NBEA: variants seen among roughly 807,000 people sequenced by gnomAD.
NBEA encodes neurobeachin.
Under a neutral mutation model 343.4 loss-of-function variants are expected in NBEA, and 44 were observed. The observed-to-expected ratio is 0.13, with a 90% CI of 0.10 to 0.16. The LOEUF (loss-of-function observed/expected upper bound fraction) is 0.16. NBEA is among the 10% of genes least tolerant of loss of function. NBEA has a pLI of 1.00. For missense variants in NBEA, 2,555 were observed against 3,631.3 expected (o/e 0.70, Z 7.62); for synonymous variants, 1,175 against 1,238.7 (o/e 0.95, Z 1.08).
intron 38 of NBEA, among the ~76,000 whole-genome samples, chr13:35,426,507 A>C (rs1220620070): frequency 6.6e-6 from 1 of 152,228 alleles, no homozygotes; most frequent in African/African-American, 2.4e-5. Flanking sequence ...GTTTCTGCCA[A>C]GAGATCAGCT....
At chr13:35,287,767 G>A (rs192745206) in intron 34 of NBEA, among the ~76,000 whole-genome samples, 1 of 152,030 alleles carries the variant, frequency 6.6e-6, no homozygotes, top group African/African-American at 2.4e-5. Flanking sequence ...AACAGAATGG[G>A]CTTTGAGTTA....
At chr13:35,609,767 A>G (rs1289884517) in intron 48 of NBEA, among the ~76,000 whole-genome samples, 1 of 152,204 alleles carries the variant, frequency 6.6e-6, no homozygotes, top group Admixed American at 6.5e-5. Context: ...AACAGGAGTA[A>G]CTAAGTATTT....
intron 34 of NBEA, among the ~76,000 whole-genome samples, chr13:35,254,754 A>G (rs976099006): frequency 1.3e-5 from 2 of 152,138 alleles, no homozygotes; most frequent in African/African-American, 4.8e-5. Flanking sequence ...TTTTAGTTCA[A>G]ATTCCGTTAT....
chr13:35,289,300 A>G (rs2035642015), intron 34 of NBEA, among the ~76,000 whole-genome samples: 1 of 151,928 alleles, frequency 6.6e-6, no homozygotes. Context: ...TAGTATTTCT[A>G]AAAACTATGA....
chr13:35,293,732 T>C (rs1191837831), intron 35 of NBEA, among the ~76,000 whole-genome samples: 1 of 152,036 alleles, frequency 6.6e-6, no homozygotes, highest in Non-Finnish European at 1.5e-5. Flanking sequence ...CTTCTTTAGG[T>C]GCTATAATAG....
intron 38 of NBEA, among the ~76,000 whole-genome samples, chr13:35,376,034 C>G (rs2041720367): frequency 1.3e-5 from 2 of 151,972 alleles, no homozygotes; most frequent in Admixed American, 1.3e-4. Context: ...CAAAAGACTT[C>G]ATTTTATATA....
intron 50 of NBEA, 76 bp downstream of exon 50, chr13:35,646,007 C>A: frequency 1.1e-6 from 1 of 939,094 alleles, no homozygotes; most frequent in Admixed American, 2.8e-5. Flanking sequence ...GTTAGATTTT[C>A]CACATTTAAC....
chr13:35,596,809 A>AT (rs1398802312), intron 47 of NBEA, among the ~76,000 whole-genome samples: 3 of 152,072 alleles, frequency 2.0e-5, no homozygotes, highest in Non-Finnish European at 4.4e-5. Context: ...CATAGTGTAA[A>AT]TTAATACAGT....
intron 11 of NBEA, 26 bp from the exon 12 acceptor site, chr13:35,109,264 G>T: frequency 6.5e-7 from 1 of 1,544,422 alleles, no homozygotes; most frequent in Non-Finnish European, 8.7e-7. Context: ...GATGTTTCAA[G>T]CTAGAATTTC....
intron 56 of NBEA, among the ~76,000 whole-genome samples, chr13:35,665,994 T>C (rs1436664910): frequency 6.6e-6 from 1 of 152,060 alleles, no homozygotes; most frequent in African/African-American, 2.4e-5. Context: ...TAGTTCTGGC[T>C]CAAATAGCAG....
rs754479937 is a variant in NBEA at position 35,606,541 on chromosome 13, CA to C, written c.7419del (p.Lys2473AsnfsTer13). 2.5e-6 allele frequency: 4 copies of C among 1,606,078 alleles called. No homozygotes were observed. The highest frequency in any genetic ancestry group is 2.2e-5 in the East Asian group (1 of 44,646). On this transcript the variant is annotated frameshift_variant, in exon 48 of 59. Transcript: ENST00000379939. LOFTEE classifies it high-confidence loss of function. ...VVNDVDLPPW[A>X]KKPEDFVRIN... ...AATGATGTTGATCTTCCCCCTTGGG[CA>C]AAAAAACCTGAAGACTTTGTGCGGA... is the stretch of plus-strand genomic sequence containing the variant.
intron 38 of NBEA, among the ~76,000 whole-genome samples, chr13:35,416,061 T>C (rs1358346459): frequency 6.6e-6 from 1 of 152,204 alleles, no homozygotes; most frequent in East Asian, 1.9e-4. Context: ...ATAGGAATGC[T>C]TGTGATTTTT....
intron 39 of NBEA, among the ~76,000 whole-genome samples, chr13:35,447,611 A>G (rs996390115): frequency 1.3e-5 from 2 of 152,150 alleles, no homozygotes; most frequent in African/African-American, 4.8e-5. Flanking sequence ...GCTATAATTC[A>G]GTGGCATTTT....
chr13:35,460,947 CACATGT>C (rs1453777568), intron 40 of NBEA, among the ~76,000 whole-genome samples: 3 of 152,228 alleles, frequency 2.0e-5, no homozygotes, highest in Non-Finnish European at 4.4e-5. Context: ...TACCCGGCAT[CACATGT>C]GAGGGGCTGA....
chr13:35,220,949 A>G (rs1411382946), intron 33 of NBEA, among the ~76,000 whole-genome samples: 1 of 152,060 alleles, frequency 6.6e-6, no homozygotes, highest in African/African-American at 2.4e-5. Context: ...CTTTTAACCT[A>G]TAGTCTACTT....
intron 34 of NBEA, among the ~76,000 whole-genome samples, chr13:35,283,022 A>T (rs1482818602): frequency 2.0e-5 from 3 of 152,132 alleles, no homozygotes; most frequent in Non-Finnish European, 4.4e-5. Flanking sequence ...TGTTAATAAT[A>T]TTGCTGATAA....
chr13:35,080,832 A>T (rs1365564196), intron 10 of NBEA, among the ~76,000 whole-genome samples: 1 of 152,166 alleles, frequency 6.6e-6, no homozygotes, highest in East Asian at 1.9e-4. Context: ...AAATTTATTT[A>T]CTGCCAAATA....
chr13:35,253,807 C>A (rs955134646), intron 34 of NBEA, among the ~76,000 whole-genome samples: 42 of 151,678 alleles, frequency 2.8e-4, no homozygotes, highest in African/African-American at 8.5e-4. Context: ...TACCCTTGAT[C>A]TATACTTCTA....
intron 49 of NBEA, among the ~76,000 whole-genome samples, chr13:35,634,070 C>A (rs1399267756): frequency 1.3e-5 from 2 of 152,140 alleles, no homozygotes; most frequent in Non-Finnish European, 2.9e-5. Flanking sequence ...TTAGGCCAGG[C>A]GCTGTGGCTC....
Sources: gnomAD v4.1 joint callset for allele counts (sites outside exome capture counted in the v4.1 genomes callset) on GRCh38, gnomAD v4.1.1 for gene constraint, MANE v1.5 for transcripts, NCBI Gene and HGNC (gene_info 2026-07-23, HGNC 2026-07-21) for gene names.